Variants in FNTB observed in about 807,000 individuals in gnomAD.
The protein encoded by FNTB is protein farnesyltransferase subunit beta.
A neutral mutation model predicts 59.4 loss-of-function variants in FNTB; 27 were observed. That is an observed-to-expected ratio of 0.45 (90% CI 0.34 to 0.63). The LOEUF is 0.63. Ranked by LOEUF, FNTB falls within the 20% of genes least tolerant of loss-of-function variation. FNTB has a pLI of 0.02. For missense variants in FNTB, 449 were observed against 559.6 expected, an observed-to-expected ratio of 0.80 and a Z score of 1.99; for synonymous variants, 230 against 220.7, an observed-to-expected ratio of 1.04 and a Z score of -0.37.
chr14:65,026,490 T>TACCGCAATTAAGGTGAGCATGAGA (rs2061984078), intron 4 of FNTB, among the ~76,000 whole-genome samples: 1 of 152,196 alleles, frequency 6.6e-6, no homozygotes, highest in Non-Finnish European at 1.5e-5. Flanking sequence ...CTCTTATGTT[T>TACCGCAATTAAGGTGAGCATGAGA]ACCGCAATTA....
At chr14:65,050,910 A>G (rs1456036501) in intron 9 of FNTB, among the ~76,000 whole-genome samples, 4 of 152,256 alleles carry the variant, frequency 2.6e-5, no homozygotes, top group Middle Eastern at 3.2e-3. Context: ...AGCATTCCTC[A>G]TAATGGCAAG....
intron 1 of FNTB, 74 bp downstream of exon 1, chr14:64,987,171 C>T (rs1042326580): frequency 2.8e-5 from 44 of 1,565,836 alleles, no homozygotes; most frequent in East Asian, 2.5e-4. Flanking sequence ...TAGGGCCGCC[C>T]GGGTGCGGAA....
At chr14:65,000,815 C>CAAAAAAAAA (rs59420832) in intron 1 of FNTB, among the ~76,000 whole-genome samples, 26 of 36,456 alleles carry the variant, frequency 7.1e-4, no homozygotes, top group African/African-American at 1.8e-3. Flanking sequence ...GACTCCGTCT[C>CAAAAAAAAA]AAAAAAAAAA....
Position 65,032,756 on chromosome 14 carries a change from C to A in FNTB, c.692+60C>A. ...AGAGCAGGCGGTCACGACACTACTT[C>A]AGAAAAATAAAGAAAATGCAGAGGG... On this transcript the variant is annotated intron_variant, in intron 7 of 11. Coordinates refer to ENST00000246166, the MANE Select transcript of FNTB (RefSeq NM_002028.4). This position sits in a 1 kb window ranked among gnomAD's most constrained non-coding sequence, Gnocchi z 5.0. The A allele has an allele frequency of 6.6e-7, 1 of 1,524,632 alleles. No individual in the cohort carries two copies. Among genetic ancestry groups the A allele is most frequent in the East Asian group, 2.3e-5 (1 of 42,898 alleles). 94.4% of individuals were successfully genotyped at this position (1,524,632 alleles called of 1,614,324 possible).
intron 7 of FNTB, among the ~76,000 whole-genome samples, chr14:65,038,947 T>C (rs1198123132): frequency 6.6e-6 from 1 of 152,236 alleles, no homozygotes; most frequent in Non-Finnish European, 1.5e-5. Flanking sequence ...TCAATAGTCT[T>C]ACTTCATATA....
intron 9 of FNTB, among the ~76,000 whole-genome samples, chr14:65,049,780 CT>C (rs2139663050): frequency 6.6e-6 from 1 of 152,050 alleles, no homozygotes; most frequent in South Asian, 2.1e-4. Flanking sequence ...AATAAATATG[CT>C]TTTTTAAATA....
rs1375324918 is a variant in FNTB at position 65,054,747 on chromosome 14, C to G, written c.1182+58C>G. ...CCACAGGGACCTCGCGGACAGAAGG[C>G]TTTCCAAGTAAGCAGAACTGGCTCT... On this transcript the variant is annotated intron_variant, in intron 11 of 11. Transcript: ENST00000246166. The surrounding 1 kb of genome is among the most constrained non-coding windows in gnomAD (Gnocchi z 4.4). The G allele has an allele frequency of 6.5e-7, 1 of 1,530,652 alleles. No homozygotes were observed. Among genetic ancestry groups the G allele is most frequent in the Non-Finnish European group, 8.9e-7 (1 of 1,127,264 alleles). 94.8% of individuals were successfully genotyped at this position (1,530,652 alleles called of 1,614,324 possible). A position where few individuals can be genotyped will look rare whatever the true frequency, so the allele number is the denominator to read the frequency against.
At position 65,040,847 on chromosome 14, in the gene FNTB, C is replaced by T; in HGVS notation, c.750C>T (p.Gly250=). Residue 250 remains glycine (G), a synonymous_variant, in exon 8 of 12, where the codon GGC becomes GGT. Transcript: ENST00000246166. ...TACCAGGGATGGAAGCCCATGGTGGCTATACCTTCTGTGGCCTGGCCGCGC... is the reference window on the plus strand; with the variant it reads ...TACCAGGGATGGAAGCCCATGGTGGTTATACCTTCTGTGGCCTGGCCGCGC... ...GGVPGMEAHG[G]YTFCGLAALV... 6.2e-7 allele frequency: 1 copy of T among 1,613,978 alleles called. No individual in the cohort carries two copies. The highest frequency in any genetic ancestry group is 8.5e-7 in the Non-Finnish European group (1 of 1,179,980).
chr14:65,019,858 T>C (rs900534658), intron 4 of FNTB, among the ~76,000 whole-genome samples: 1 of 152,216 alleles, frequency 6.6e-6, no homozygotes, highest in Non-Finnish European at 1.5e-5. Context: ...AGATAAATCT[T>C]AAGGACTTCT....
In FNTB at chr14:65,044,253, C is replaced by A. The variant is rs45565742; in HGVS notation, c.823-58C>A. ...ACAGATTGACTCCTGGAGATTCTGTCGGGCTGGATTTTGTCTCTTTTAGCC... is the reference window on the plus strand; with the variant it reads ...ACAGATTGACTCCTGGAGATTCTGTAGGGCTGGATTTTGTCTCTTTTAGCC... On this transcript the variant is annotated intron_variant, in intron 8 of 11. Coordinates refer to ENST00000246166, the MANE Select transcript of FNTB (RefSeq NM_002028.4). This position sits in a 1 kb window ranked among gnomAD's most constrained non-coding sequence, Gnocchi z 5.5. The A allele has an allele frequency of 6.2e-7, 1 of 1,606,198 alleles. No homozygotes were observed. The highest frequency in any genetic ancestry group is 8.5e-7 in the Non-Finnish European group (1 of 1,176,900).
intron 1 of FNTB, among the ~76,000 whole-genome samples, chr14:65,000,838 A>AAAAAAAAAAG (rs778200008): frequency 2.6e-5 from 3 of 116,088 alleles, no homozygotes; most frequent in African/African-American, 8.4e-5. Flanking sequence ...AAAAAAAAAA[A>AAAAAAAAAAG]AAAGAATAGT....
chr14:65,056,326 T>G (rs1439847031), intron 11 of FNTB, among the ~76,000 whole-genome samples: 1 of 152,192 alleles, frequency 6.6e-6, no homozygotes, highest in Non-Finnish European at 1.5e-5. Flanking sequence ...AGTTATCAAT[T>G]TTTTGCTATT....
At chr14:64,996,698 T>C (rs1304278443) in intron 1 of FNTB, among the ~76,000 whole-genome samples, 1 of 151,908 alleles carries the variant, frequency 6.6e-6, no homozygotes, top group Non-Finnish European at 1.5e-5. Flanking sequence ...AAATTTATGG[T>C]TAACAAAAGT....
In FNTB at chr14:65,054,820, G is replaced by C; in HGVS notation, c.1182+131G>C. 1 of 1,002,396 alleles carries C rather than the reference G, an allele frequency of 1.0e-6. No individual in the cohort carries two copies. The allele number at this position is 1,002,396 out of a possible 1,614,324, so 62.1% of individuals were successfully genotyped here. On this transcript the variant is annotated intron_variant, in intron 11 of 11. Transcript: ENST00000246166. The surrounding 1 kb of genome is among the most constrained non-coding windows in gnomAD (Gnocchi z 4.4). ...GAAGCTTGTGGTCCCTCTGCCCTTCGAGCTGTGCAGCCGTTAGTGAGGATG... is the reference window on the plus strand; with the variant it reads ...GAAGCTTGTGGTCCCTCTGCCCTTCCAGCTGTGCAGCCGTTAGTGAGGATG...
At chr14:64,998,543 G>T (rs1003274652) in intron 1 of FNTB, among the ~76,000 whole-genome samples, 1 of 152,212 alleles carries the variant, frequency 6.6e-6, no homozygotes, top group African/African-American at 2.4e-5. Flanking sequence ...TGACCTTTGT[G>T]CAGGATTGTG....
rs2061615322 is a variant in FNTB, at chr14:65,007,645, T to C, written c.209+3332T>C. On this transcript the variant is annotated intron_variant, in intron 2 of 11. Transcript: ENST00000246166. The surrounding 1 kb of genome is among the most constrained non-coding windows in gnomAD (Gnocchi z 4.9). ...GAGGTAGTCAGTCCCAAGGAGCTTTTTGACCATGCTTTTCATGGTTTTGTT... is the reference window on the plus strand; with the variant it reads ...GAGGTAGTCAGTCCCAAGGAGCTTTCTGACCATGCTTTTCATGGTTTTGTT... 6.6e-6 allele frequency among the ~76,000 whole-genome samples: 1 copy of C among 152,214 alleles called. No individual in the cohort carries two copies. Among genetic ancestry groups the C allele is most frequent in the East Asian group, 1.9e-4 (1 of 5,200 alleles).
chr14:65,060,416 C>T (rs1296043738), intron 11 of FNTB, among the ~76,000 whole-genome samples: 1 of 146,780 alleles, frequency 6.8e-6, no homozygotes, highest in African/African-American at 2.6e-5. Context: ...TGGTGAAACC[C>T]TGTCTCTACT....
At chr14:65,010,854 C>T (rs1215995202) in intron 2 of FNTB, among the ~76,000 whole-genome samples, 1 of 152,180 alleles carries the variant, frequency 6.6e-6, no homozygotes, top group Non-Finnish European at 1.5e-5. Context: ...TCCTCTTGTA[C>T]ACTTGATACC....
rs570214325 is a variant in FNTB at position 65,053,328 on chromosome 14, G to A, written c.1046G>A (p.Gly349Glu). 6 of 1,451,210 alleles carry A rather than the reference G, an allele frequency of 4.1e-6. No homozygotes were observed. The East Asian group carries it at 7.9e-5, about 19-fold the overall frequency. The allele number at this position is 1,451,210 out of a possible 1,614,324, so 89.9% of individuals were successfully genotyped here. Residue 349 changes from glycine (G) to glutamate (E), a missense_variant, in exon 10 of 12, where the codon GGG becomes GAG. Gly to Glu is a moderately conservative substitution (Grantham distance 98). Around this residue, in one of 2 missense-constraint regions of FNTB, gnomAD observed 337 missense variants for 479.1 expected, o/e 0.70. Transcript: ENST00000246166. ...ILMCCQCPAG[G>E]LLDKPGKSRD... The stretch of plus-strand genomic sequence containing the variant: ...ATGTGCTGCCAGTGCCCTGCGGGGG[G>A]GCTTCTGGATAAACCTGGCAAGTGA...
Sources: gnomAD v4.1 joint callset for allele counts (sites outside exome capture counted in the v4.1 genomes callset) on GRCh38, gnomAD v4.1.1 for gene constraint, gnomAD v4.1.1 regional missense constraint, Gnocchi (gnomAD v3.1) non-coding constraint, MANE v1.5 for transcripts, NCBI Gene and HGNC (gene_info 2026-07-23, HGNC 2026-07-21) for gene names.